Variants in DNM3 observed in about 807,000 individuals in gnomAD.
DNM3 encodes the protein dynamin-3.
DNM3 carries 47 observed loss-of-function variants against 101.6 expected under a neutral mutation model. The ratio of observed to expected loss-of-function variants is 0.46; its 90% confidence interval spans 0.37 to 0.59. The LOEUF is 0.59. DNM3 is among the 20% of genes least tolerant of loss of function. The pLI is 0.00. For synonymous variants in DNM3, 385 were observed against 387.9 expected (o/e 0.99, Z 0.09); for missense variants, 849 against 1,085.7 (o/e 0.78, Z 3.06).
intron 20 of DNM3, among the ~76,000 whole-genome samples, chr1:172,399,531 C>T (rs2070298215): frequency 1.3e-5 from 2 of 152,168 alleles, no homozygotes; most frequent in East Asian, 1.9e-4. Flanking sequence ...CCACGAGTGT[C>T]ATTGCTTGGC....
chr1:171,873,738 T>C (rs1165656283), intron 1 of DNM3, among the ~76,000 whole-genome samples: 1 of 152,172 alleles, frequency 6.6e-6, no homozygotes, highest in Non-Finnish European at 1.5e-5. Context: ...CGAAAAACTG[T>C]ACGCTTTTTC....
intron 11 of DNM3, among the ~76,000 whole-genome samples, chr1:172,079,627 A>C (rs1275807054): frequency 6.6e-6 from 1 of 152,052 alleles, no homozygotes; most frequent in Non-Finnish European, 1.5e-5. Context: ...TCTGTCAATT[A>C]ATCATACTCA....
intron 14 of DNM3, among the ~76,000 whole-genome samples, chr1:172,175,949 C>T (rs1470023474): frequency 2.0e-5 from 3 of 151,762 alleles, no homozygotes; most frequent in Non-Finnish European, 2.9e-5. Flanking sequence ...AATCCCCTCT[C>T]ATGTTGTTTC....
intron 13 of DNM3, among the ~76,000 whole-genome samples, chr1:172,129,824 T>A (rs147799551): frequency 2.6e-5 from 4 of 152,242 alleles, no homozygotes; most frequent in African/African-American, 9.6e-5. Flanking sequence ...TACTATACTA[T>A]CACTATACTT....
In DNM3 at chr1:172,283,780, AAAAG is replaced by A. The variant is rs1553221114; in HGVS notation, c.1770-24932_1770-24929del. Among the ~76,000 whole-genome samples the A allele has an allele frequency of 4.6e-3, 548 of 119,084 alleles. 4 individuals are homozygous for A. Among genetic ancestry groups the A allele is most frequent in the African/African-American group, 0.018 (519 of 29,630 alleles). 78.1% of individuals were successfully genotyped at this position (119,084 alleles called of 152,430 possible). On this transcript the variant is annotated intron_variant, in intron 15 of 20. Transcript: ENST00000627582. ...ATCTCAAAAAAAAAAAAAAAAAAAA[AAAAG>A]AAAGAAAGAAAGAAAACCAAGTCAA...
intron 17 of DNM3, 34 bp from the exon 18 acceptor site, chr1:172,378,984 G>C (rs1278498484): frequency 5.0e-6 from 8 of 1,596,350 alleles, no homozygotes; most frequent in Non-Finnish European, 6.8e-6. Flanking sequence ...GAGTGAATAT[G>C]AGATAATCCA....
chr1:172,173,253 G>A (rs1197420220), intron 14 of DNM3, among the ~76,000 whole-genome samples: 1 of 151,734 alleles, frequency 6.6e-6, no homozygotes, highest in African/African-American at 2.4e-5. Context: ...TTGATGAGCA[G>A]TTGCTAAGGG....
At chr1:172,076,708 T>C (rs1010962034) in intron 11 of DNM3, among the ~76,000 whole-genome samples, 1 of 152,228 alleles carries the variant, frequency 6.6e-6, no homozygotes, top group Non-Finnish European at 1.5e-5. Context: ...TGCTGCCGGA[T>C]TCAGTTTGCC....
intron 14 of DNM3, among the ~76,000 whole-genome samples, chr1:172,253,219 A>G (rs532998852): frequency 6.6e-6 from 1 of 152,098 alleles, no homozygotes; most frequent in Non-Finnish European, 1.5e-5. Context: ...AAAAACATCT[A>G]AAAGGACCCA....
chr1:172,019,500 TG>T (rs146688771), intron 4 of DNM3, among the ~76,000 whole-genome samples: 1 of 152,124 alleles, frequency 6.6e-6, no homozygotes, highest in Non-Finnish European at 1.5e-5. Flanking sequence ...CGGAGCTTCC[TG>T]AACCTGTGGT....
chr1:172,153,512 T>C (rs1281914283), intron 14 of DNM3, among the ~76,000 whole-genome samples: 2 of 152,122 alleles, frequency 1.3e-5, no homozygotes, highest in African/African-American at 4.8e-5. Context: ...AAAACAGGCT[T>C]ATTAGTTTTT....
At chr1:172,217,484 A>G (rs1391855454) in intron 14 of DNM3, among the ~76,000 whole-genome samples, 5 of 152,120 alleles carry the variant, frequency 3.3e-5, no homozygotes, top group Non-Finnish European at 7.4e-5. Flanking sequence ...ACAAGGCTCT[A>G]AATGGACTGG....
chr1:172,206,853 A>G (rs975717269), intron 14 of DNM3, among the ~76,000 whole-genome samples: 1 of 152,054 alleles, frequency 6.6e-6, no homozygotes, highest in East Asian at 1.9e-4. Context: ...AGACCTAAAG[A>G]TCAGGCTCAA....
chr1:172,275,431 T>C (rs896224675), intron 15 of DNM3, among the ~76,000 whole-genome samples: 3 of 152,056 alleles, frequency 2.0e-5, no homozygotes, highest in Non-Finnish European at 2.9e-5. Flanking sequence ...GCATGCTGCA[T>C]GTCTGCTTCT....
chr1:172,093,663 T>C lies in DNM3; in HGVS notation c.1545+788T>C, dbSNP rs2054063015. The C allele has an allele frequency of 1.9e-6, 3 of 1,579,524 alleles. No individual in the cohort carries two copies. The South Asian group carries it at 3.6e-5, about 19-fold the overall frequency. Reference sequence around the variant, plus strand: ...GACTTTATTTTAAAAACTTTTTTTCTGAACTAAAGCATATAATTCTTTGCT... The same window carrying C: ...GACTTTATTTTAAAAACTTTTTTTCCGAACTAAAGCATATAATTCTTTGCT... On this transcript the variant is annotated intron_variant, in intron 13 of 20. Transcript: ENST00000627582.
rs2071049727 is a variant in DNM3 at position 172,408,619 on chromosome 1, C to A, written c.*778C>A. On this transcript the variant is annotated 3_prime_UTR_variant, in exon 21 of 21. Coordinates refer to ENST00000627582, the MANE Select transcript of DNM3 (RefSeq NM_015569.5). ...AGAAGTGTTGGGAAAAATATAATTT[C>A]TTTCTTTACTTATATTCACCTCATG... 7.1e-6 allele frequency: 7 copies of A among 984,816 alleles called. No individual in the cohort carries two copies. The South Asian group carries it at 1.9e-4, about 26-fold the overall frequency. The allele number at this position is 984,816 out of a possible 1,614,324, so 61.0% of individuals were successfully genotyped here.
chr1:172,414,546 T>A (rs9425602), downstream of DNM3, among the ~76,000 whole-genome samples: 44,871 of 152,040 alleles, frequency 0.3, 6,893 homozygotes, highest in South Asian at 0.38. Flanking sequence ...ACAGATCTAG[T>A]GTCCTGAGGC....
intron 20 of DNM3, chr1:172,389,154 G>GA (rs1345909618): frequency 4.0e-6 from 1 of 248,236 alleles, no homozygotes; most frequent in East Asian, 9.1e-5. Flanking sequence ...TATAGGTCAT[G>GA]AGAGTTCCAT....
rs568230715 is a variant in DNM3 at position 172,099,033 on chromosome 1, G to A, written c.1545+6158G>A. Among the ~76,000 whole-genome samples, 317 of 152,294 alleles carry A rather than the reference G, an allele frequency of 2.1e-3. 4 individuals are homozygous for A. Among genetic ancestry groups the A allele is most frequent in the African/African-American group, 7.3e-3 (302 of 41,572 alleles). On this transcript the variant is annotated intron_variant, in intron 13 of 20. Transcript: ENST00000627582. ...CAGTTGGAAGGTGGCATAAAGCTGA[G>A]GACACAGACAAATGAATTGATATTC...
Sources: allele counts gnomAD v4.1 joint callset (sites outside exome capture counted in the v4.1 genomes callset), GRCh38; gene constraint gnomAD v4.1.1; transcripts MANE v1.5; gene names NCBI Gene and HGNC (gene_info 2026-07-23, HGNC 2026-07-21).